Variants in GALNTL6 observed in about 807,000 individuals in gnomAD.
GALNTL6 encodes the protein polypeptide N-acetylgalactosaminyltransferase like 6, also known as polypeptide N-acetylgalactosaminyltransferase-like 6.
Under a neutral mutation model 73.7 loss-of-function variants are expected in GALNTL6, and 46 were observed. The observed-to-expected ratio is 0.62, with a 90% CI of 0.49 to 0.80. The LOEUF is 0.80. GALNTL6 is among the 30% of genes least tolerant of loss of function. The pLI, the probability that GALNTL6 is intolerant of heterozygous loss-of-function variation, is 0.00. For synonymous variants in GALNTL6, 259 were observed against 263.7 expected, an observed-to-expected ratio of 0.98 and a Z score of 0.17; for missense variants, 604 against 755.0, an observed-to-expected ratio of 0.80 and a Z score of 2.34.
chr4:171,858,820 C>T (rs562397633), intron 2 of GALNTL6, among the ~76,000 whole-genome samples: 15 of 152,032 alleles, frequency 9.9e-5, no homozygotes, highest in Non-Finnish European at 1.9e-4. Context: ...ATGCATACAA[C>T]TATAAAGCTC....
At chr4:173,030,542 G>T (rs1305951718) in intron 12 of GALNTL6, among the ~76,000 whole-genome samples, 1 of 152,086 alleles carries the variant, frequency 6.6e-6, no homozygotes, top group Non-Finnish European at 1.5e-5. Flanking sequence ...AAACAGAAAA[G>T]AATCTTGTTA....
rs182193271 is a variant in GALNTL6, at chr4:172,684,456, A to G, written c.554-124905A>G. 3.9e-3 allele frequency among the ~76,000 whole-genome samples: 590 copies of G among 152,348 alleles called. 2 individuals carry two copies. Among genetic ancestry groups the G allele is most frequent in the Middle Eastern group, 6.8e-3 (2 of 294 alleles). On this transcript the variant is annotated intron_variant, in intron 5 of 12. Transcript: ENST00000506823. ...AAATTTTGTCATATGGATTAAAAAAATGGTGTATGTAAAATATTAAGCAAT... is the reference window on the plus strand; with the variant it reads ...AAATTTTGTCATATGGATTAAAAAAGTGGTGTATGTAAAATATTAAGCAAT...
intron 2 of GALNTL6, among the ~76,000 whole-genome samples, chr4:172,221,314 C>T (rs1736668469): frequency 1.3e-5 from 2 of 151,616 alleles, no homozygotes; most frequent in African/African-American, 4.8e-5. Context: ...ACCGAGAATG[C>T]TGTGTGTTTT....
intron 5 of GALNTL6, among the ~76,000 whole-genome samples, chr4:172,547,639 C>T (rs1178277473): frequency 1.3e-5 from 2 of 152,106 alleles, no homozygotes; most frequent in Non-Finnish European, 1.5e-5. Context: ...TCACTTACTT[C>T]CTCTTATTCT....
intron 7 of GALNTL6, among the ~76,000 whole-genome samples, chr4:172,849,045 C>G (rs1743667085): frequency 6.6e-6 from 1 of 152,046 alleles, no homozygotes; most frequent in Non-Finnish European, 1.5e-5. Flanking sequence ...GGTGCCATCC[C>G]CATCCCCTGA....
intron 5 of GALNTL6, among the ~76,000 whole-genome samples, chr4:172,760,656 G>A (rs1360040167): frequency 6.6e-6 from 1 of 152,118 alleles, no homozygotes; most frequent in Non-Finnish European, 1.5e-5. Flanking sequence ...AATAAATGAA[G>A]CAGAGGGTCA....
chr4:172,220,602 T>C (rs1249501889), intron 2 of GALNTL6, among the ~76,000 whole-genome samples: 3 of 151,860 alleles, frequency 2.0e-5, no homozygotes, highest in Non-Finnish European at 4.4e-5. Context: ...TGATTTACAA[T>C]GGCTTTATAT....
intron 5 of GALNTL6, among the ~76,000 whole-genome samples, chr4:172,756,241 C>G (rs1737742183): frequency 6.6e-6 from 1 of 152,016 alleles, no homozygotes; most frequent in Non-Finnish European, 1.5e-5. Context: ...CATGGTTTAC[C>G]AAAAGTTCTA....
intron 5 of GALNTL6, among the ~76,000 whole-genome samples, chr4:172,554,289 T>G (rs1236339910): frequency 2.0e-5 from 3 of 152,208 alleles, no homozygotes; most frequent in Non-Finnish European, 2.9e-5. Flanking sequence ...TATTGGTGAA[T>G]TGGTATGGTA....
intron 10 of GALNTL6, among the ~76,000 whole-genome samples, chr4:173,005,747 GC>G (rs1752249855): frequency 6.6e-6 from 1 of 152,146 alleles, no homozygotes; most frequent in African/African-American, 2.4e-5. Flanking sequence ...ATATCCAGCT[GC>G]CTACCTTATC....
intron 7 of GALNTL6, among the ~76,000 whole-genome samples, chr4:172,876,438 A>G (rs1745197947): frequency 1.3e-5 from 2 of 152,210 alleles, no homozygotes; most frequent in African/African-American, 4.8e-5. Context: ...AAATCTAGGA[A>G]AACAGAGAGC....
intron 2 of GALNTL6, among the ~76,000 whole-genome samples, chr4:172,136,122 CTG>C (rs1470774408): frequency 5.3e-5 from 8 of 152,218 alleles, no homozygotes; most frequent in East Asian, 1.9e-4. Context: ...TCATTGAACA[CTG>C]TGAATGAGAG....
At chr4:172,451,901 C>T (rs1295347200) in intron 5 of GALNTL6, among the ~76,000 whole-genome samples, 1 of 152,018 alleles carries the variant, frequency 6.6e-6, no homozygotes, top group East Asian at 1.9e-4. Context: ...GTCCTAGCTG[C>T]TCGAGAGGCT....
intron 2 of GALNTL6, among the ~76,000 whole-genome samples, chr4:172,106,398 G>C (rs966566049): frequency 6.6e-6 from 1 of 152,052 alleles, no homozygotes; most frequent in Non-Finnish European, 1.5e-5. Context: ...TTTGTGATAG[G>C]TATTATGTAT....
At chr4:171,979,735 G>T (rs1207489086) in intron 2 of GALNTL6, among the ~76,000 whole-genome samples, 1 of 152,154 alleles carries the variant, frequency 6.6e-6, no homozygotes, top group Non-Finnish European at 1.5e-5. Context: ...AATCTGCAGG[G>T]AATATCAGAA....
At chr4:173,023,771 T>C (rs962081171) in intron 12 of GALNTL6, among the ~76,000 whole-genome samples, 3 of 152,180 alleles carry the variant, frequency 2.0e-5, no homozygotes, top group Non-Finnish European at 2.9e-5. Flanking sequence ...GGAATATCAC[T>C]GCAATAGTAA....
chr4:172,432,785 AT>A (rs1342508045), intron 5 of GALNTL6, among the ~76,000 whole-genome samples: 6 of 152,154 alleles, frequency 3.9e-5, no homozygotes, highest in African/African-American at 1.4e-4. Flanking sequence ...TTAAAAAAAA[AT>A]CTGAACATTC....
chr4:172,533,100 C>T (rs1032603397), intron 5 of GALNTL6, among the ~76,000 whole-genome samples: 3 of 151,278 alleles, frequency 2.0e-5, no homozygotes, highest in Non-Finnish European at 4.4e-5. Context: ...CAACCTCCAC[C>T]TCCTGGGTTC....
chr4:172,072,207 G>A (rs917824396), intron 2 of GALNTL6, among the ~76,000 whole-genome samples: 3 of 151,918 alleles, frequency 2.0e-5, no homozygotes, highest in African/African-American at 7.3e-5. Flanking sequence ...TTTCTGCCTA[G>A]CTGTTTGTAT....
Sources: allele counts gnomAD v4.1 joint callset (sites outside exome capture counted in the v4.1 genomes callset), GRCh38; gene constraint gnomAD v4.1.1; transcripts MANE v1.5; gene names NCBI Gene and HGNC (gene_info 2026-07-23, HGNC 2026-07-21).